Variants in MAX observed in about 807,000 individuals in gnomAD.
MAX encodes MYC associated transcriptional regulator X.
MAX carries 3 observed loss-of-function variants against 22.3 expected under a neutral mutation model. That is an observed-to-expected ratio of 0.13 (90% CI 0.06 to 0.35). The LOEUF (loss-of-function observed/expected upper bound fraction) is 0.35, where lower values mean the gene tolerates loss of function less well. MAX is among the 10% of genes least tolerant of loss of function. The probability of loss-of-function intolerance (pLI) is 1.00; values close to 1 mark genes in which losing one functional copy is unlikely to be tolerated. For synonymous variants in MAX, 72 were observed against 77.7 expected (o/e 0.93, Z 0.39); for missense variants, 119 against 209.4 (o/e 0.57, Z 2.66).
chr14:65,101,359 G>A (rs2063825484), intron 2 of MAX, among the ~76,000 whole-genome samples, 187 bp downstream of exon 2: 1 of 152,072 alleles, frequency 6.6e-6, no homozygotes, highest in African/African-American at 2.4e-5. Flanking sequence ...CTTATCACCT[G>A]AGAATCTAGA....
At position 65,082,265 on chromosome 14, in the gene MAX, G is replaced by A. The variant is rs1461700337; in HGVS notation, c.172-4229C>T. 1 of 140,946 alleles carries A rather than the reference G, an allele frequency of 7.1e-6. No homozygotes were observed. 8.7% of individuals were successfully genotyped at this position (140,946 alleles called of 1,614,324 possible). On this transcript the variant is annotated intron_variant, in intron 3 of 4. Coordinates refer to ENST00000358664, the MANE Select transcript of MAX (RefSeq NM_002382.5). This position sits in a 1 kb window ranked among gnomAD's most constrained non-coding sequence, Gnocchi z 4.8. ...ATTGCAGGGACACTGTTGTCATGGA[G>A]GGGAAAGTTGGAGGAGGAAAAGGAC...
At chr14:65,091,901 G>C (rs1484305664) in intron 3 of MAX, 1 of 152,122 alleles carries the variant, frequency 6.6e-6, no homozygotes, top group Non-Finnish European at 1.5e-5. Flanking sequence ...CAGTATCTAG[G>C]ATAGTGCCTG....
rs1268418473 is a variant in MAX, at chr14:65,078,535, T to G, written c.172-499A>C. On this transcript the variant is annotated intron_variant, in intron 3 of 4. Coordinates refer to ENST00000358664, the MANE Select transcript of MAX (RefSeq NM_002382.5). This position sits in a 1 kb window ranked among gnomAD's most constrained non-coding sequence, Gnocchi z 6.4. ...CTGTTGTTGTTGTTGTTGTTGTTGTTTTTTTTTTTTTGGAGACGTAGTCTC... is the reference window on the plus strand; with the variant it reads ...CTGTTGTTGTTGTTGTTGTTGTTGTGTTTTTTTTTTTGGAGACGTAGTCTC... Among the ~76,000 whole-genome samples, 5 of 148,926 alleles carry G rather than the reference T, an allele frequency of 3.4e-5. No homozygotes were observed. The highest frequency in any genetic ancestry group is 2.1e-4 in the South Asian group (1 of 4,698).
chr14:65,073,644 G>C (rs2063011239), downstream of MAX, among the ~76,000 whole-genome samples: 1 of 152,198 alleles, frequency 6.6e-6, no homozygotes, highest in South Asian at 2.1e-4. Context: ...TACTGTGAGA[G>C]AGTAAGCTAT....
At chr14:65,050,110 G>A (rs1482071103) in intron 3 of MAX, among the ~76,000 whole-genome samples, 2 of 152,142 alleles carry the variant, frequency 1.3e-5, no homozygotes. Flanking sequence ...ATAAGAAAAA[G>A]CTAGATTAAT....
At position 65,054,472 on chromosome 14, in the gene MAX, G is replaced by C. The variant is rs1231279251; in HGVS notation, c.171+39236C>G. Reference sequence around the variant, plus strand: ...CTCCTCTAGCCACATGGAGGATGGGGGGGGACGTGTGATTGCACCAGTGGT... The same window carrying C: ...CTCCTCTAGCCACATGGAGGATGGGCGGGGACGTGTGATTGCACCAGTGGT... On this transcript the variant is annotated intron_variant, in intron 3 of 3. Coordinates refer to the MAX transcript ENST00000341653. The surrounding 1 kb of genome is among the most constrained non-coding windows in gnomAD (Gnocchi z 4.4). The C allele has an allele frequency of 1.7e-6, 2 of 1,172,270 alleles. No individual in the cohort carries two copies. Among genetic ancestry groups the C allele is most frequent in the Non-Finnish European group, 1.2e-6 (1 of 822,228 alleles). The allele number at this position is 1,172,270 out of a possible 1,614,324, so 72.6% of individuals were successfully genotyped here.
At position 65,007,348 on chromosome 14, in the gene MAX, G is replaced by A. The variant is rs116320686; in HGVS notation, c.172-1064C>T. Among the ~76,000 whole-genome samples the A allele has an allele frequency of 1.2e-3, 189 of 152,304 alleles. 1 individual carries two copies. The highest frequency in any genetic ancestry group is 6.8e-3 in the Middle Eastern group (2 of 294). On this transcript the variant is annotated intron_variant, in intron 3 of 3. Transcript: ENST00000341653. This position sits in a 1 kb window ranked among gnomAD's most constrained non-coding sequence, Gnocchi z 4.9. ...TGGTTAGCTGTTAGCAGTAAATCTA[G>A]ATGGCAGGGCTTGTTTGTGTGTCTG...
intron 3 of MAX, among the ~76,000 whole-genome samples, chr14:65,056,264 A>G (rs1449534816): frequency 6.6e-6 from 1 of 152,170 alleles, no homozygotes; most frequent in Non-Finnish European, 1.5e-5. Flanking sequence ...TAACTATTAT[A>G]TGATACTCCC....
intron 3 of MAX, among the ~76,000 whole-genome samples, chr14:65,049,217 A>G (rs1377566476): frequency 6.6e-6 from 1 of 151,900 alleles, no homozygotes; most frequent in Admixed American, 6.6e-5. Flanking sequence ...ATAAGAAAGC[A>G]GCAGGCCTGT....
intron 3 of MAX, among the ~76,000 whole-genome samples, chr14:65,052,565 C>T (rs2062640284): frequency 6.6e-6 from 1 of 152,188 alleles, no homozygotes; most frequent in South Asian, 2.1e-4. Context: ...CCACAGAATT[C>T]TTTGACCATA....
At chr14:65,045,278 G>C (rs955575112) in intron 3 of MAX, among the ~76,000 whole-genome samples, 1 of 152,166 alleles carries the variant, frequency 6.6e-6, no homozygotes, top group African/African-American at 2.4e-5. Flanking sequence ...TTTGGAATGA[G>C]ATCCCTGGGT....
chr14:65,040,794 C>G (rs1422584694), intron 3 of MAX: 1 of 1,612,804 alleles, frequency 6.2e-7, no homozygotes. Flanking sequence ...TCTTAGGTGT[C>G]AGAACTGGGA....
chr14:65,083,708 A>C (rs760702009), intron 3 of MAX: 17 of 1,041,758 alleles, frequency 1.6e-5, no homozygotes, highest in Non-Finnish European at 1.9e-5. Flanking sequence ...CCAAAATGCC[A>C]TATCTGGAGG....
intron 3 of MAX, chr14:65,083,803 A>G: frequency 8.9e-7 from 1 of 1,124,158 alleles, no homozygotes; most frequent in Non-Finnish European, 1.1e-6. Context: ...GAAACCATTT[A>G]TTTTCTGAAA....
At chr14:65,034,301 C>T (rs1217777138) in intron 3 of MAX, among the ~76,000 whole-genome samples, 1 of 152,218 alleles carries the variant, frequency 6.6e-6, no homozygotes, top group Non-Finnish European at 1.5e-5. Context: ...TTCTCTCCTT[C>T]GTTGAAGTCC....
chr14:65,050,499 G>A (rs1222996242), intron 3 of MAX, among the ~76,000 whole-genome samples: 3 of 152,142 alleles, frequency 2.0e-5, no homozygotes, highest in Non-Finnish European at 4.4e-5. Flanking sequence ...GCTGAGACAG[G>A]AGAATGACTT....
chr14:65,096,250 T>G (rs940275791), intron 2 of MAX, among the ~76,000 whole-genome samples: 2 of 152,212 alleles, frequency 1.3e-5, no homozygotes, highest in African/African-American at 2.4e-5. Flanking sequence ...CACCAATCCC[T>G]GCTGCCATGT....
chr14:65,055,322 G>C (rs1357243400), intron 3 of MAX, among the ~76,000 whole-genome samples: 1 of 152,100 alleles, frequency 6.6e-6, no homozygotes, highest in Non-Finnish European at 1.5e-5. Flanking sequence ...GAATCCAATG[G>C]AGACTGTCCC....
In MAX at chr14:65,062,932, G is replaced by A. The variant is rs961021702; in HGVS notation, c.171+30776C>T. ...ACACTGCACTTCATGGTCTGTCTCC[G>A]ACAGACAGCAAGGACTGGGCCTAGT... On this transcript the variant is annotated intron_variant, in intron 3 of 3. Coordinates refer to the MAX transcript ENST00000341653. The surrounding 1 kb of genome is among the most constrained non-coding windows in gnomAD (Gnocchi z 4.3). 6.6e-6 allele frequency among the ~76,000 whole-genome samples: 1 copy of A among 152,188 alleles called. No individual in the cohort carries two copies. Among genetic ancestry groups the A allele is most frequent in the Admixed American group, 6.5e-5 (1 of 15,282 alleles).
Sources: gnomAD v4.1 joint callset for allele counts (sites outside exome capture counted in the v4.1 genomes callset) on GRCh38, gnomAD v4.1.1 for gene constraint, Gnocchi (gnomAD v3.1) non-coding constraint, MANE v1.5 for transcripts, NCBI Gene and HGNC (gene_info 2026-07-23, HGNC 2026-07-21) for gene names.